The following ASTN2 variants were observed in gnomAD, a reference collection of about 807,000 sequenced individuals.
ASTN2 encodes the protein astrotactin 2.
Under a neutral mutation model 139.8 loss-of-function variants are expected in ASTN2, and 54 were observed. The observed-to-expected ratio is 0.39, with a 90% CI of 0.31 to 0.48. The LOEUF (loss-of-function observed/expected upper bound fraction) is 0.48, where lower values mean the gene tolerates loss of function less well. ASTN2 is among the 20% of genes least tolerant of loss of function. The pLI, the probability that ASTN2 is intolerant of heterozygous loss-of-function variation, is 0.95. For missense variants in ASTN2, 1,565 were observed against 1,725.1 expected (o/e 0.91, Z 1.64); for synonymous variants, 756 against 719.5 (o/e 1.05, Z -0.81).
chr9:117,227,103 G>A (rs549099578), intron 2 of ASTN2, among the ~76,000 whole-genome samples: 26 of 152,236 alleles, frequency 1.7e-4, no homozygotes, highest in African/African-American at 5.5e-4. Context: ...GAAATCATGG[G>A]TGGGGGTTAG....
intron 13 of ASTN2, among the ~76,000 whole-genome samples, chr9:116,765,777 T>C (rs1282205357): frequency 6.6e-6 from 1 of 152,220 alleles, no homozygotes; most frequent in Non-Finnish European, 1.5e-5. Context: ...CATCCTTACA[T>C]GTTTCTGTAT....
At chr9:116,752,146 G>A (rs930417127) in intron 13 of ASTN2, among the ~76,000 whole-genome samples, 1 of 152,146 alleles carries the variant, frequency 6.6e-6, no homozygotes, top group Admixed American at 6.5e-5. Flanking sequence ...TGAAATGACA[G>A]AAAAAGAGAT....
At chr9:116,696,521 T>A (rs1860861673) in intron 16 of ASTN2, among the ~76,000 whole-genome samples, 1 of 152,212 alleles carries the variant, frequency 6.6e-6, no homozygotes, top group African/African-American at 2.4e-5. Flanking sequence ...TTTTGCCCAC[T>A]TCTTTCTTCC....
At chr9:116,679,424 T>C (rs1218837947) in intron 16 of ASTN2, among the ~76,000 whole-genome samples, 2 of 152,158 alleles carry the variant, frequency 1.3e-5, no homozygotes, top group Non-Finnish European at 2.9e-5. Flanking sequence ...TTTGTGTAAA[T>C]GTGTTACTGG....
chr9:117,101,835 C>T (rs1464238466), intron 4 of ASTN2, among the ~76,000 whole-genome samples: 1 of 152,186 alleles, frequency 6.6e-6, no homozygotes, highest in African/African-American at 2.4e-5. Context: ...ATAGATATCA[C>T]ATCATACCCA....
intron 16 of ASTN2, among the ~76,000 whole-genome samples, chr9:116,695,420 A>G (rs1198711698): frequency 6.6e-6 from 1 of 152,186 alleles, no homozygotes; most frequent in Admixed American, 6.5e-5. Context: ...ATAATTGTGC[A>G]TGTCTGCTGC....
intron 1 of ASTN2, among the ~76,000 whole-genome samples, chr9:117,359,744 CA>C (rs1564164967): frequency 6.6e-6 from 1 of 152,050 alleles, no homozygotes; most frequent in African/African-American, 2.4e-5. Context: ...CTATCAGAGA[CA>C]GGGGGAAGGA....
At chr9:116,803,230 A>T (rs1830914572) in intron 13 of ASTN2, among the ~76,000 whole-genome samples, 1 of 151,560 alleles carries the variant, frequency 6.6e-6, no homozygotes, top group Admixed American at 6.6e-5. Flanking sequence ...ATTATAGAAA[A>T]CTAGTATTGT....
intron 19 of ASTN2, among the ~76,000 whole-genome samples, chr9:116,586,944 C>T (rs569725307): frequency 3.3e-5 from 5 of 152,104 alleles, no homozygotes; most frequent in African/African-American, 4.8e-5. Context: ...AGAGGAGCCA[C>T]GCTCTCAAGT....
intron 11 of ASTN2, among the ~76,000 whole-genome samples, chr9:116,845,089 G>T (rs1832387072): frequency 6.6e-6 from 1 of 152,156 alleles, no homozygotes; most frequent in Non-Finnish European, 1.5e-5. Context: ...TTGACTCCAG[G>T]CCCCTGCTCT....
intron 2 of ASTN2, among the ~76,000 whole-genome samples, chr9:117,223,333 A>G (rs1293141924): frequency 6.6e-6 from 1 of 152,174 alleles, no homozygotes; most frequent in Non-Finnish European, 1.5e-5. Flanking sequence ...AAGCCAGGGA[A>G]TCTGTAAACA....
chr9:116,532,311 T>A (rs975789632), intron 19 of ASTN2, among the ~76,000 whole-genome samples: 38 of 152,240 alleles, frequency 2.5e-4, no homozygotes, highest in Admixed American at 8.5e-4. Flanking sequence ...TTCTGTAGGT[T>A]GCTTGTTCAC....
intron 1 of ASTN2, among the ~76,000 whole-genome samples, chr9:117,320,090 A>G (rs1409622368): frequency 6.6e-6 from 1 of 152,200 alleles, no homozygotes; most frequent in East Asian, 1.9e-4. Context: ...GAAGTGAACT[A>G]GTTTTGTCAG....
chr9:117,257,209 A>G (rs1833710872), intron 2 of ASTN2, among the ~76,000 whole-genome samples: 1 of 152,208 alleles, frequency 6.6e-6, no homozygotes, highest in South Asian at 2.1e-4. Flanking sequence ...GATTCATTAA[A>G]TGGATTTACT....
chr9:117,163,783 C>T (rs1004421885), intron 3 of ASTN2, among the ~76,000 whole-genome samples: 8 of 151,946 alleles, frequency 5.3e-5, no homozygotes, highest in South Asian at 4.2e-4. Context: ...TTTCCCCCAA[C>T]GGGTTAAGTA....
intron 1 of ASTN2, among the ~76,000 whole-genome samples, chr9:117,367,081 TTC>T (rs1449503222): frequency 1.3e-5 from 2 of 152,162 alleles, no homozygotes; most frequent in African/African-American, 4.8e-5. Flanking sequence ...CCATTCCATC[TTC>T]TTTTTCAGTG....
In ASTN2 at chr9:116,485,130, A is replaced by G. The variant is rs76205452; in HGVS notation, c.3497+2229T>C. 0.016 allele frequency among the ~76,000 whole-genome samples: 2,377 copies of G among 152,314 alleles called. 277 individuals are homozygous for G. In the South Asian group the frequency reaches 0.26, roughly 17 times the overall value. On this transcript the variant is annotated intron_variant, in intron 20 of 22. Transcript: ENST00000313400. ...CACAAGGGCAACAACAGCAACATTG[A>G]TAATAGCTAACACTTCTTAGGCTTC...
At chr9:117,055,806 G>T (rs1049807770) in intron 5 of ASTN2, among the ~76,000 whole-genome samples, 1 of 152,218 alleles carries the variant, frequency 6.6e-6, no homozygotes, top group African/African-American at 2.4e-5. Flanking sequence ...AATGGTCTTT[G>T]CTTCCTGGTA....
chr9:116,563,205 C>T (rs2131667665), intron 19 of ASTN2, among the ~76,000 whole-genome samples: 1 of 151,838 alleles, frequency 6.6e-6, no homozygotes, highest in African/African-American at 2.4e-5. Flanking sequence ...GAAACCCCGT[C>T]TCTATTAAAA....
Sources: allele counts gnomAD v4.1 joint callset (sites outside exome capture counted in the v4.1 genomes callset), GRCh38; gene constraint gnomAD v4.1.1; transcripts MANE v1.5; gene names NCBI Gene and HGNC (gene_info 2026-07-23, HGNC 2026-07-21).